Variants in KHDRBS2 observed in about 807,000 individuals in gnomAD.
KHDRBS2 encodes the protein KH RNA binding domain containing, signal transduction associated 2.
Under a neutral mutation model 44.3 loss-of-function variants are expected in KHDRBS2, and 26 were observed. That is an observed-to-expected ratio of 0.59 (90% CI 0.43 to 0.81). The LOEUF (loss-of-function observed/expected upper bound fraction) is 0.81, where lower values mean the gene tolerates loss of function less well. Among genes scored for constraint, KHDRBS2 ranks in the 40% least tolerant of loss-of-function variants. KHDRBS2 has a pLI of 0.00. For missense variants in KHDRBS2, 476 were observed against 433.1 expected (o/e 1.10, Z -0.88); for synonymous variants, 194 against 151.1 (o/e 1.28, Z -2.08).
the KHDRBS2 span, among the ~76,000 whole-genome samples, chr6:61,566,622 C>T: frequency 3.9e-5 from 6 of 152,126 alleles, no homozygotes; most frequent in Admixed American, 3.3e-4. Flanking sequence ...AGGTTAGAAG[C>T]AAGATAGAAT....
At chr6:61,936,779 C>T (rs1172711333) in intron 4 of KHDRBS2, among the ~76,000 whole-genome samples, 1 of 151,848 alleles carries the variant, frequency 6.6e-6, no homozygotes, top group Admixed American at 6.6e-5. Flanking sequence ...AATAGTATTC[C>T]TCTATCTTCT....
At chr6:61,947,125 C>G (rs1160203764) in intron 4 of KHDRBS2, among the ~76,000 whole-genome samples, 1 of 152,106 alleles carries the variant, frequency 6.6e-6, no homozygotes, top group Non-Finnish European at 1.5e-5. Flanking sequence ...TCAATTTTGT[C>G]TTTTACATCT....
intron 1 of KHDRBS2, among the ~76,000 whole-genome samples, chr6:62,199,434 T>G (rs1563050044): frequency 6.6e-6 from 1 of 152,132 alleles, no homozygotes; most frequent in Non-Finnish European, 1.5e-5. Flanking sequence ...AGCGTTCTTA[T>G]ACATCAATAA....
chr6:61,915,660 A>C (rs917779074), intron 4 of KHDRBS2, among the ~76,000 whole-genome samples: 2 of 152,056 alleles, frequency 1.3e-5, no homozygotes, highest in Non-Finnish European at 1.5e-5. Flanking sequence ...AAAGTCAGTG[A>C]GGGAAACAGA....
At chr6:61,962,728 A>G (rs1356129834) in intron 4 of KHDRBS2, among the ~76,000 whole-genome samples, 2 of 152,076 alleles carry the variant, frequency 1.3e-5, no homozygotes, top group African/African-American at 4.8e-5. Flanking sequence ...GCTTTCTGAC[A>G]AAAATTATAT....
At chr6:62,060,881 C>T (rs1791663389) in intron 2 of KHDRBS2, among the ~76,000 whole-genome samples, 1 of 151,790 alleles carries the variant, frequency 6.6e-6, no homozygotes, top group Non-Finnish European at 1.5e-5. Context: ...ATATATGCCC[C>T]AGATGTTTCA....
intron 3 of KHDRBS2, among the ~76,000 whole-genome samples, chr6:61,997,066 C>T (rs1335778908): frequency 6.6e-6 from 1 of 152,198 alleles, no homozygotes; most frequent in Non-Finnish European, 1.5e-5. Context: ...CAGGCATGAG[C>T]CGCCATGCCC....
chr6:62,169,617 C>T (rs1360458757), intron 2 of KHDRBS2, among the ~76,000 whole-genome samples: 1 of 152,054 alleles, frequency 6.6e-6, no homozygotes, highest in Non-Finnish European at 1.5e-5. Context: ...GAGAAGCTCC[C>T]CATATGGGAA....
At chr6:62,258,367 T>C (rs1404026104) in intron 1 of KHDRBS2, among the ~76,000 whole-genome samples, 1 of 152,062 alleles carries the variant, frequency 6.6e-6, no homozygotes, top group Non-Finnish European at 1.5e-5. Flanking sequence ...CTGTGTTGCT[T>C]AGTTACCCTG....
chr6:62,105,858 A>C (rs1350489527), intron 2 of KHDRBS2, among the ~76,000 whole-genome samples: 2 of 151,882 alleles, frequency 1.3e-5, no homozygotes, highest in Non-Finnish European at 2.9e-5. Context: ...GAGTTCTTTT[A>C]ATTGTGATGT....
At chr6:62,073,441 G>C (rs1241497871) in intron 2 of KHDRBS2, among the ~76,000 whole-genome samples, 1 of 148,108 alleles carries the variant, frequency 6.8e-6, no homozygotes. Flanking sequence ...GTTTTGTTTT[G>C]TCTCTTTTTC....
intron 1 of KHDRBS2, among the ~76,000 whole-genome samples, chr6:62,190,474 C>G (rs1188397549): frequency 6.6e-6 from 1 of 151,966 alleles, no homozygotes; most frequent in Non-Finnish European, 1.5e-5. Flanking sequence ...AACATTTTCC[C>G]CTTTCCTTTT....
intron 6 of KHDRBS2, among the ~76,000 whole-genome samples, chr6:61,764,256 A>G (rs1297683917): frequency 1.3e-5 from 2 of 152,166 alleles, no homozygotes; most frequent in Non-Finnish European, 2.9e-5. Flanking sequence ...GGTTGATTCC[A>G]TATCCTTGCT....
At chr6:61,958,365 CT>C (rs1437533334) in intron 4 of KHDRBS2, among the ~76,000 whole-genome samples, 1 of 152,140 alleles carries the variant, frequency 6.6e-6, no homozygotes, top group African/African-American at 2.4e-5. Flanking sequence ...CATATAATTA[CT>C]TTCCTGTTTT....
chr6:62,246,613 A>G (rs577915710), intron 1 of KHDRBS2, among the ~76,000 whole-genome samples: 2 of 152,088 alleles, frequency 1.3e-5, no homozygotes, highest in East Asian at 1.9e-4. Flanking sequence ...TTTAGGAAGA[A>G]AGACATAGAG....
At chr6:61,797,104 T>TA (rs945107994) in intron 6 of KHDRBS2, among the ~76,000 whole-genome samples, 57 of 151,910 alleles carry the variant, frequency 3.8e-4, no homozygotes, top group African/African-American at 1.3e-3. Context: ...AAGAAAAAAA[T>TA]AAAAAAATAC....
chr6:61,976,432 GTTAAC>G (rs1177060546), intron 4 of KHDRBS2, among the ~76,000 whole-genome samples: 4 of 151,994 alleles, frequency 2.6e-5, no homozygotes, highest in African/African-American at 9.7e-5. Flanking sequence ...ATAGAGGAGT[GTTAAC>G]TTAGCCTACA....
the KHDRBS2 span, among the ~76,000 whole-genome samples, chr6:61,644,137 C>G: frequency 6.6e-6 from 1 of 152,030 alleles, no homozygotes; most frequent in Non-Finnish European, 1.5e-5. Flanking sequence ...ATAGAGAGAC[C>G]AGAAATAAGG....
chr6:62,264,518 T>C (rs1585502438), intron 1 of KHDRBS2, among the ~76,000 whole-genome samples: 2 of 151,894 alleles, frequency 1.3e-5, no homozygotes, highest in South Asian at 2.1e-4. Context: ...CAAAAGAGCA[T>C]GGGTTGGCTA....
Sources: allele counts gnomAD v4.1 joint callset (sites outside exome capture counted in the v4.1 genomes callset), GRCh38; gene constraint gnomAD v4.1.1; transcripts MANE v1.5; gene names NCBI Gene and HGNC (gene_info 2026-07-23, HGNC 2026-07-21).